MLLT10: variants seen among roughly 807,000 people sequenced by gnomAD.
The protein encoded by MLLT10 is MLLT10 histone lysine methyltransferase DOT1L cofactor.
In MLLT10, 30 loss-of-function variants were observed where a neutral mutation model predicts 129.1. The observed-to-expected ratio is 0.23, with a 90% confidence interval of 0.17 to 0.32. The LOEUF (loss-of-function observed/expected upper bound fraction) is 0.32. Among genes scored for constraint, MLLT10 ranks in the 10% least tolerant of loss-of-function variants. The pLI is 1.00. For missense variants in MLLT10, 1,119 were observed against 1,268.3 expected, an observed-to-expected ratio of 0.88 and a Z score of 1.79; for synonymous variants, 490 against 446.4, an observed-to-expected ratio of 1.10 and a Z score of -1.23.
At chr10:21,607,477 C>T (rs945499816) in intron 5 of MLLT10, among the ~76,000 whole-genome samples, 2 of 151,962 alleles carry the variant, frequency 1.3e-5, no homozygotes, top group African/African-American at 2.4e-5. Flanking sequence ...TGCGTCACCA[C>T]GCTCAGCTAA....
At chr10:21,642,755 A>T (rs1460944261) in intron 8 of MLLT10, among the ~76,000 whole-genome samples, 2 of 152,152 alleles carry the variant, frequency 1.3e-5, no homozygotes, top group East Asian at 3.8e-4. Context: ...AAAGAGAATC[A>T]ATTTCTCTTA....
intron 3 of MLLT10, among the ~76,000 whole-genome samples, chr10:21,567,576 G>C (rs2039729497): frequency 6.6e-6 from 1 of 152,092 alleles, no homozygotes; most frequent in Non-Finnish European, 1.5e-5. Flanking sequence ...TTGGAATGAA[G>C]GTTCCAATCC....
At chr10:21,676,417 CA>C (rs113829023) in intron 11 of MLLT10, among the ~76,000 whole-genome samples, 123 of 129,402 alleles carry the variant, frequency 9.5e-4, no homozygotes, top group Middle Eastern at 0.01. Context: ...GACTCCGTCT[CA>C]AAAAAAAAAA....
At chr10:21,671,860 C>T (rs890360687) in intron 10 of MLLT10, among the ~76,000 whole-genome samples, 4 of 151,764 alleles carry the variant, frequency 2.6e-5, no homozygotes, top group South Asian at 4.2e-4. Context: ...GGCTACAGTG[C>T]GAGGATTGCT....
chr10:21,659,130 T>C (rs1169803363), intron 9 of MLLT10, among the ~76,000 whole-genome samples: 2 of 150,730 alleles, frequency 1.3e-5, no homozygotes, highest in East Asian at 3.9e-4. Flanking sequence ...TATTTGCAGA[T>C]ACTTATCTCA....
In MLLT10 at chr10:21,734,791, T is replaced by C. The variant is rs181758655; in HGVS notation, c.2859-348T>C. 4.3e-4 allele frequency among the ~76,000 whole-genome samples: 66 copies of C among 152,352 alleles called. No individual in the cohort carries two copies. In the East Asian group the frequency reaches 5.4e-3, roughly 12 times the overall value. ...ATGTTTGGATTCTTTGTTTCAAATA[T>C]GTGTTTACTTAGTGTGAGTTAAATT... On this transcript the variant is annotated intron_variant, in intron 20 of 22. Coordinates refer to ENST00000307729, the MANE Select transcript of MLLT10 (RefSeq NM_001195626.3).
intron 3 of MLLT10, chr10:21,564,452 G>T (rs1253415127): frequency 2.0e-5 from 3 of 150,936 alleles, no homozygotes; most frequent in Non-Finnish European, 2.9e-5. Flanking sequence ...TGCTTATTTG[G>T]TATCTTTTTT....
At chr10:21,706,246 C>A (rs1011369831) in intron 13 of MLLT10, among the ~76,000 whole-genome samples, 3 of 152,142 alleles carry the variant, frequency 2.0e-5, no homozygotes, top group Non-Finnish European at 2.9e-5. Context: ...TAATGATGGG[C>A]ACTGTTTGTC....
Position 21,534,344 on chromosome 10 carries a change from T to A in MLLT10, c.-177T>A. 3.1e-6 allele frequency: 1 copy of A among 323,806 alleles called. No individual in the cohort carries two copies. Among genetic ancestry groups the A allele is most frequent in the Non-Finnish European group, 5.8e-6 (1 of 172,804 alleles). 20.1% of individuals were successfully genotyped at this position (323,806 alleles called of 1,614,324 possible). ...CCAGTGCGCCTGTGCGGAGGCCCTC[T>A]TGATTATGTGTGCCCTCTCCGGGCG... is the stretch of plus-strand genomic sequence containing the variant. On this transcript the variant is annotated 5_prime_UTR_variant, in exon 1 of 23. It adds an upstream start codon to the 5' untranslated region. Coordinates refer to ENST00000307729, the MANE Select transcript of MLLT10 (RefSeq NM_001195626.3).
intron 5 of MLLT10, among the ~76,000 whole-genome samples, chr10:21,608,258 C>T (rs2044259546): frequency 6.6e-6 from 1 of 151,482 alleles, no homozygotes; most frequent in Non-Finnish European, 1.5e-5. Context: ...AGTTATTGAT[C>T]TCCTGGGCTC....
At chr10:21,739,330 C>A (rs912063972) in intron 21 of MLLT10, among the ~76,000 whole-genome samples, 3 of 152,140 alleles carry the variant, frequency 2.0e-5, no homozygotes, top group African/African-American at 7.2e-5. Context: ...CCTCACCTGC[C>A]CCCATATCCA....
At chr10:21,672,575 G>T (rs1181222220) in intron 10 of MLLT10, among the ~76,000 whole-genome samples, 1 of 151,996 alleles carries the variant, frequency 6.6e-6, no homozygotes, top group Non-Finnish European at 1.5e-5. Context: ...AAAGTGCTGG[G>T]ATTACAGGCA....
chr10:21,654,949 G>C (rs1313595508), intron 9 of MLLT10, among the ~76,000 whole-genome samples: 1 of 152,150 alleles, frequency 6.6e-6, no homozygotes, highest in Non-Finnish European at 1.5e-5. Context: ...GAGGCAGGAG[G>C]ATTGCTTGAG....
At chr10:21,607,318 C>CTTTT in intron 5 of MLLT10, among the ~76,000 whole-genome samples, 1 of 124,064 alleles carries the variant, frequency 8.1e-6, no homozygotes, top group East Asian at 2.2e-4. Context: ...GTACTCTATG[C>CTTTT]TTTTTTTTTT....
chr10:21,640,397 A>G (rs2047891821), intron 8 of MLLT10, among the ~76,000 whole-genome samples: 1 of 150,204 alleles, frequency 6.7e-6, no homozygotes, highest in Non-Finnish European at 1.5e-5. Flanking sequence ...TCATAATATC[A>G]CAGAAGTCTA....
At chr10:21,558,138 A>G (rs1321402152) in intron 3 of MLLT10, among the ~76,000 whole-genome samples, 2 of 151,362 alleles carry the variant, frequency 1.3e-5, no homozygotes, top group Non-Finnish European at 2.9e-5. Context: ...TTTAGTAGAG[A>G]TGGGGTTTTG....
intron 4 of MLLT10, among the ~76,000 whole-genome samples, chr10:21,592,146 T>A (rs1427417854): frequency 1.3e-5 from 2 of 152,208 alleles, no homozygotes; most frequent in African/African-American, 2.4e-5. Context: ...ACCAGTGTTT[T>A]AATATTTAAT....
intron 9 of MLLT10, among the ~76,000 whole-genome samples, chr10:21,656,113 A>G (rs1246286874): frequency 1.3e-5 from 2 of 152,048 alleles, no homozygotes; most frequent in African/African-American, 4.8e-5. Flanking sequence ...TTGGGTAGAG[A>G]GGTAGTATGG....
chr10:21,617,267 C>A, intron 8 of MLLT10, 60 bp downstream of exon 8: 4 of 881,322 alleles, frequency 4.5e-6, no homozygotes, highest in Non-Finnish European at 6.5e-6. Context: ...TTTTTTTTTG[C>A]CTTTTTAGAT....
Sources: allele counts gnomAD v4.1 joint callset (sites outside exome capture counted in the v4.1 genomes callset), GRCh38; gene constraint gnomAD v4.1.1; transcripts MANE v1.5; gene names NCBI Gene and HGNC (gene_info 2026-07-23, HGNC 2026-07-21).